Variants in TBC1D23 observed in about 807,000 individuals in gnomAD.
TBC1D23 encodes the protein HCV non-structural protein 4A-transactivated protein 1.
TBC1D23 carries 55 observed loss-of-function variants against 91.4 expected under a neutral mutation model. The ratio of observed to expected loss-of-function variants is 0.60; its 90% CI spans 0.48 to 0.75. TBC1D23 has a LOEUF of 0.75. Ranked by LOEUF, TBC1D23 falls within the 30% of genes least tolerant of loss-of-function variation. TBC1D23 has a pLI of 0.00. For missense variants in TBC1D23, 725 were observed against 836.1 expected (o/e 0.87, Z 1.64); for synonymous variants, 289 against 281.0 (o/e 1.03, Z -0.28).
intron 11 of TBC1D23, among the ~76,000 whole-genome samples, chr3:100,303,582 G>A (rs1446782927): frequency 1.3e-5 from 2 of 152,034 alleles, no homozygotes; most frequent in African/African-American, 4.8e-5. Context: ...ACCACCCTGG[G>A]CAACATAATG....
At chr3:100,273,424 ATCTC>A (rs769690683) in intron 1 of TBC1D23, among the ~76,000 whole-genome samples, 9 of 152,180 alleles carry the variant, frequency 5.9e-5, no homozygotes, top group Admixed American at 3.3e-4. Context: ...TAACAATCTG[ATCTC>A]TCTTTCTTTT....
chr3:100,285,120 C>T (rs1038719763), intron 4 of TBC1D23, among the ~76,000 whole-genome samples: 2 of 152,080 alleles, frequency 1.3e-5, no homozygotes, highest in African/African-American at 2.4e-5. Context: ...TAAATAACGA[C>T]TTTATTGAGA....
chr3:100,302,982 A>G (rs1039382475), intron 11 of TBC1D23, among the ~76,000 whole-genome samples: 11 of 152,360 alleles, frequency 7.2e-5, no homozygotes, highest in Admixed American at 5.2e-4. Context: ...GAAACTGAAT[A>G]AATACATATG....
At chr3:100,293,436 G>A (rs897766201) in intron 5 of TBC1D23, among the ~76,000 whole-genome samples, 1 of 152,104 alleles carries the variant, frequency 6.6e-6, no homozygotes. Context: ...CCTGGCCTCA[G>A]ATAGTTTACT....
At chr3:100,263,728 C>A (rs2067533909) in intron 1 of TBC1D23, among the ~76,000 whole-genome samples, 1 of 152,148 alleles carries the variant, frequency 6.6e-6, no homozygotes, top group Non-Finnish European at 1.5e-5. Flanking sequence ...TGTTTTGGAA[C>A]GGTGAATTGT....
At chr3:100,289,822 C>T (rs978816768) in intron 4 of TBC1D23, among the ~76,000 whole-genome samples, 10 of 152,046 alleles carry the variant, frequency 6.6e-5, no homozygotes, top group Admixed American at 4.6e-4. Flanking sequence ...TTGTGTGTTA[C>T]GGGGGTTTGG....
chr3:100,270,702 TATC>T (rs1186029506), intron 1 of TBC1D23, among the ~76,000 whole-genome samples: 3 of 152,322 alleles, frequency 2.0e-5, no homozygotes, highest in African/African-American at 2.4e-5. Context: ...GTTTGAATAA[TATC>T]ATATGCAATA....
At chr3:100,287,852 C>G (rs116886198) in intron 4 of TBC1D23, among the ~76,000 whole-genome samples, 3 of 151,816 alleles carry the variant, frequency 2.0e-5, no homozygotes, top group Non-Finnish European at 4.4e-5. Context: ...AACCTGGTCT[C>G]AAGTGATCCT....
At chr3:100,318,430 C>A (rs535850181) in intron 16 of TBC1D23, among the ~76,000 whole-genome samples, 1 of 152,022 alleles carries the variant, frequency 6.6e-6, no homozygotes, top group Non-Finnish European at 1.5e-5. Context: ...TATTGTTTAA[C>A]AATTCAGCCA....
chr3:100,274,770 A>G (rs1246006498), intron 1 of TBC1D23, among the ~76,000 whole-genome samples: 2 of 148,294 alleles, frequency 1.3e-5, no homozygotes, highest in Admixed American at 1.4e-4. Flanking sequence ...TATATTATAT[A>G]TAATATATAT....
chr3:100,270,257 A>G (rs2067589983), intron 1 of TBC1D23, among the ~76,000 whole-genome samples: 1 of 152,192 alleles, frequency 6.6e-6, no homozygotes, highest in African/African-American at 2.4e-5. Flanking sequence ...AAGAATACTT[A>G]TGTCAGGGAA....
intron 2 of TBC1D23, 139 bp from the exon 3 acceptor site, chr3:100,281,603 C>T (rs2067695280): frequency 3.9e-6 from 2 of 507,026 alleles, no homozygotes; most frequent in East Asian, 6.5e-5. Flanking sequence ...ACTAAATACT[C>T]AACATTTGGT....
In TBC1D23 at chr3:100,308,552, T is replaced by C. The variant is rs187396243; in HGVS notation, c.1414-1851T>C. ...GTAAATAAGAAAAGTATAAAGAAAA[T>C]AAAATCACCTGTAGCTGTTACCAGA... On this transcript the variant is annotated intron_variant, in intron 13 of 18. Coordinates refer to ENST00000394144, the MANE Select transcript of TBC1D23 (RefSeq NM_001199198.3). 4.7e-3 allele frequency among the ~76,000 whole-genome samples: 713 copies of C among 152,094 alleles called. 2 individuals are homozygous for C. The highest frequency in any genetic ancestry group is 6.4e-3 in the Non-Finnish European group (433 of 67,944).
At chr3:100,322,054 G>T in intron 18 of TBC1D23, among the ~76,000 whole-genome samples, 1 of 151,710 alleles carries the variant, frequency 6.6e-6, no homozygotes, top group Non-Finnish European at 1.5e-5. Context: ...AAATAGTATA[G>T]TGTGAATATA....
At chr3:100,317,700 A>ACT (rs10667349) in intron 16 of TBC1D23, among the ~76,000 whole-genome samples, 3 of 151,284 alleles carry the variant, frequency 2.0e-5, no homozygotes, top group African/African-American at 7.3e-5. Flanking sequence ...CTTTCTGTTA[A>ACT]CTCTCTGAAT....
At chr3:100,266,029 A>G (rs1340533297) in intron 1 of TBC1D23, among the ~76,000 whole-genome samples, 1 of 152,150 alleles carries the variant, frequency 6.6e-6, no homozygotes, top group East Asian at 1.9e-4. Context: ...AATGTAAAAG[A>G]AAAAGGAACT....
At chr3:100,290,050 A>T (rs574219342) in intron 4 of TBC1D23, among the ~76,000 whole-genome samples, 18 of 152,282 alleles carry the variant, frequency 1.2e-4, no homozygotes, top group African/African-American at 4.3e-4. Flanking sequence ...ATTGAACAAG[A>T]TGAGTATTTT....
chr3:100,306,561 A>G lies in TBC1D23; in HGVS notation c.1413+18A>G. 6.9e-7 allele frequency: 1 copy of G among 1,451,454 alleles called. No homozygotes were observed. The highest frequency in any genetic ancestry group is 9.7e-7 in the Non-Finnish European group (1 of 1,035,734). The allele number at this position is 1,451,454 out of a possible 1,614,324, so 89.9% of individuals were successfully genotyped here. Reference sequence around the variant, plus strand: ...CTGTTGATGTAAGTATATGTAGAGAATATGTTACCGGATTTGGATAAGTTC... The same window carrying G: ...CTGTTGATGTAAGTATATGTAGAGAGTATGTTACCGGATTTGGATAAGTTC... On this transcript the variant is annotated intron_variant, in intron 13 of 18. Coordinates refer to ENST00000394144, the MANE Select transcript of TBC1D23 (RefSeq NM_001199198.3).
chr3:100,323,667 A>C lies in TBC1D23; in HGVS notation c.2099A>C (p.Ter700SerextTer22). ...IMKVLDALES[*>S] ...AAAGTTTTGGATGCTTTGGAAAGTT[A>C]ATATAAAAGAAAATTATATAAAAAG... Residue 700 changes from the stop codon to serine, a stop_lost, in exon 19 of 19, where the codon TAA becomes TCA. Transcript: ENST00000394144. 6.8e-7 allele frequency: 1 copy of C among 1,476,400 alleles called. No individual in the cohort carries two copies. Among genetic ancestry groups the C allele is most frequent in the Non-Finnish European group, 9.1e-7 (1 of 1,100,594 alleles). The allele number at this position is 1,476,400 out of a possible 1,614,324, so 91.5% of individuals were successfully genotyped here. A position where few individuals can be genotyped will look rare whatever the true frequency, so the allele number is the denominator to read the frequency against.
Sources: allele counts gnomAD v4.1 joint callset (sites outside exome capture counted in the v4.1 genomes callset), GRCh38; gene constraint gnomAD v4.1.1; transcripts MANE v1.5; gene names NCBI Gene and HGNC (gene_info 2026-07-23, HGNC 2026-07-21).